The following AOX1 variants were observed in gnomAD, a reference collection of about 807,000 sequenced individuals.
AOX1 encodes aldehyde oxidase.
In AOX1, 153 loss-of-function variants were observed where a neutral mutation model predicts 169.5. The ratio of observed to expected loss-of-function variants is 0.90; its 90% CI spans 0.79 to 1.03. The LOEUF (loss-of-function observed/expected upper bound fraction) is 1.03. Among genes scored for constraint, AOX1 ranks in the 50% least tolerant of loss-of-function variants. The pLI, the probability that AOX1 is intolerant of heterozygous loss-of-function variation, is 0.00. For missense variants in AOX1, 1,656 were observed against 1,663.9 expected (o/e 1.00, Z 0.08); for synonymous variants, 562 against 581.9 (o/e 0.97, Z 0.49).
chr2:200,651,234 CT>C (rs1460595889), intron 26 of AOX1, 33 bp downstream of exon 26: 1 of 1,580,424 alleles, frequency 6.3e-7, no homozygotes. Context: ...AGGATGCTGC[CT>C]GGAAGCAGCC....
At chr2:200,597,945 A>G (rs1022720963) in intron 4 of AOX1, among the ~76,000 whole-genome samples, 5 of 152,106 alleles carry the variant, frequency 3.3e-5, no homozygotes, top group African/African-American at 1.2e-4. Flanking sequence ...ATGTCTCTAC[A>G]AAAGTACAAA....
rs1302784093 is a variant in AOX1 at position 200,651,212 on chromosome 2, C to T, written c.3075+11C>T. 1 of 1,611,340 alleles carries T rather than the reference C, an allele frequency of 6.2e-7. No homozygotes were observed. Among genetic ancestry groups the T allele is most frequent in the East Asian group, 2.2e-5 (1 of 44,864 alleles). On this transcript the variant is annotated intron_variant, in intron 26 of 34. Coordinates refer to ENST00000374700, the MANE Select transcript of AOX1 (RefSeq NM_001159.4). ...CGTGCTGCTGGTCAGGTGAGTTCTC[C>T]AAATGCACATGAGGATGCTGCCTGG...
chr2:200,658,871 T>C (rs2035748962), intron 27 of AOX1, among the ~76,000 whole-genome samples: 1 of 152,200 alleles, frequency 6.6e-6, no homozygotes. Context: ...ATATCATGAT[T>C]ATAAAAACAA....
intron 23 of AOX1, among the ~76,000 whole-genome samples, chr2:200,639,145 G>A (rs1000247616): frequency 6.6e-6 from 1 of 152,222 alleles, no homozygotes; most frequent in African/African-American, 2.4e-5. Context: ...TGTGGTTAGT[G>A]TCTGCCATAT....
At chr2:200,653,384 T>C (rs2035619305) in intron 26 of AOX1, among the ~76,000 whole-genome samples, 1 of 152,196 alleles carries the variant, frequency 6.6e-6, no homozygotes, top group Admixed American at 6.5e-5. Context: ...AAACTAGACA[T>C]GATATTTGAG....
chr2:200,599,746 G>A lies in AOX1; in HGVS notation c.436G>A (p.Gly146Ser), dbSNP rs144603555. 58 of 1,587,048 alleles carry A rather than the reference G, an allele frequency of 3.7e-5. No individual in the cohort carries two copies. Among genetic ancestry groups the A allele is most frequent in the Non-Finnish European group, 4.7e-5 (55 of 1,167,576 alleles). ...TLDQLTDALGGNLCRCTGYRP... is the reference protein window; with the variant it reads ...TLDQLTDALGSNLCRCTGYRP... ...GGATCAGTTAACTGATGCCCTTGGTGGTAGGTTATATATGCATGCTTTTAT... is the reference window on the plus strand; with the variant it reads ...GGATCAGTTAACTGATGCCCTTGGTAGTAGGTTATATATGCATGCTTTTAT... Residue 146 changes from glycine to serine, a missense_variant and splice_region_variant, in exon 5 of 35, where the codon GGT (glycine) becomes AGT (serine). Coordinates refer to ENST00000374700, the MANE Select transcript of AOX1 (RefSeq NM_001159.4).
At chr2:200,612,490 G>A in intron 13 of AOX1, 119 bp from the exon 14 acceptor site, 1 of 931,918 alleles carries the variant, frequency 1.1e-6, no homozygotes, top group South Asian at 1.5e-5. Flanking sequence ...CTGGTGTGTA[G>A]GTGACACTCA....
intron 27 of AOX1, 105 bp downstream of exon 27, chr2:200,657,042 A>G (rs1028507113): frequency 1.3e-6 from 1 of 750,826 alleles, no homozygotes; most frequent in Non-Finnish European, 1.9e-6. Flanking sequence ...CAGGATAGGA[A>G]GCTGGGTGAG....
chr2:200,612,745 G>T lies in AOX1; in HGVS notation c.1400G>T (p.Gly467Val). The T allele has an allele frequency of 6.2e-7, 1 of 1,614,000 alleles. No homozygotes were observed. The highest frequency in any genetic ancestry group is 2.2e-5 in the East Asian group (1 of 44,858). Residue 467 changes from glycine (G) to valine (V), a missense_variant, in exon 14 of 35, where the codon GGT becomes GTT. Transcript: ENST00000374700. ...TTATGCATCTCATATGGAGGCGTTG[G>T]TCCAGCCACCATCTGTGCCAAGAAT... ...RELCISYGGV[G>V]PATICAKNSC...
chr2:200,654,747 A>T (rs1047903844), intron 26 of AOX1, among the ~76,000 whole-genome samples: 1 of 152,226 alleles, frequency 6.6e-6, no homozygotes, highest in African/African-American at 2.4e-5. Flanking sequence ...AATTTCCCCG[A>T]CTAGGTCCTC....
Position 200,586,166 on chromosome 2 carries a change from G to A in AOX1, c.45+13G>A. The A allele has an allele frequency of 6.4e-7, 1 of 1,554,332 alleles. No individual in the cohort carries two copies. ...GAACGGCCGCAAGGTGAGCGCCCGC[G>A]GGCTTCCTCTGCCCCCAGACCTGCG... On this transcript the variant is annotated intron_variant, in intron 1 of 34. Coordinates refer to ENST00000374700, the MANE Select transcript of AOX1 (RefSeq NM_001159.4).
At chr2:200,588,726 C>CTTTTTTTTTTT (rs71807461) in intron 1 of AOX1, among the ~76,000 whole-genome samples, 19 of 53,986 alleles carry the variant, frequency 3.5e-4, no homozygotes, top group Middle Eastern at 0.011. Context: ...CTAGAATAAG[C>CTTTTTTTTTTT]TTTTTTTTTT....
At chr2:200,639,455 T>C (rs898060113) in intron 23 of AOX1, among the ~76,000 whole-genome samples, 2 of 152,222 alleles carry the variant, frequency 1.3e-5, no homozygotes, top group African/African-American at 4.8e-5. Flanking sequence ...TAGGATTTGT[T>C]AAATGCATAG....
chr2:200,660,738 A>G (rs950647031), intron 29 of AOX1, among the ~76,000 whole-genome samples: 1 of 152,212 alleles, frequency 6.6e-6, no homozygotes, highest in African/African-American at 2.4e-5. Flanking sequence ...TTACAAATAC[A>G]GGTCTGGGGG....
rs751426723 is a variant in AOX1, at chr2:200,670,723, A to G, written c.*44A>G. 9.4e-6 allele frequency: 14 copies of G among 1,494,434 alleles called. No individual in the cohort carries two copies. Among genetic ancestry groups the G allele is most frequent in the Non-Finnish European group, 1.2e-5 (13 of 1,073,528 alleles). 92.6% of individuals were successfully genotyped at this position (1,494,434 alleles called of 1,614,324 possible). On this transcript the variant is annotated 3_prime_UTR_variant, in exon 35 of 35. Coordinates refer to ENST00000374700, the MANE Select transcript of AOX1 (RefSeq NM_001159.4). The stretch of plus-strand genomic sequence containing the variant: ...GAGAAAACAGAGTGCCTCTTCCCAG[A>G]TGGCAATCTGTCCTATCTCTGTGCT...
rs1347598758 is a variant in AOX1, at chr2:200,604,066, C to A, written c.638C>A (p.Thr213Asn). ...AEEEFLPLDPTQELIFPPELM... is the reference protein window; with the variant it reads ...AEEEFLPLDPNQELIFPPELM... The stretch of plus-strand genomic sequence containing the variant: ...GAGGAGTTTCTGCCATTGGATCCAA[C>A]CCAGGAACTGATATTTCCTCCTGAG... The change falls in exon 8 of 35, where the codon ACC becomes AAC. Residue 213 changes from threonine (T) to asparagine (N), a missense_variant. Physicochemically the swap from Thr to Asn is moderately conservative, Grantham distance 65. Transcript: ENST00000374700. The A allele has an allele frequency of 6.2e-7, 1 of 1,613,198 alleles. No homozygotes were observed. Among genetic ancestry groups the A allele is most frequent in the Admixed American group, 1.7e-5 (1 of 60,004 alleles).
intron 1 of AOX1, among the ~76,000 whole-genome samples, chr2:200,587,573 G>A (rs2034065076): frequency 6.6e-6 from 1 of 152,116 alleles, no homozygotes; most frequent in Non-Finnish European, 1.5e-5. Context: ...TGTACATTAG[G>A]CCCCTCAAAA....
At chr2:200,655,563 A>G (rs1228564101) in intron 26 of AOX1, among the ~76,000 whole-genome samples, 1 of 152,170 alleles carries the variant, frequency 6.6e-6, no homozygotes, top group Non-Finnish European at 1.5e-5. Flanking sequence ...GACTGTGGAC[A>G]TATGTGCCTG....
chr2:200,673,591 G>C (rs1344635465), downstream of AOX1, among the ~76,000 whole-genome samples: 3 of 152,068 alleles, frequency 2.0e-5, no homozygotes, highest in Admixed American at 2.0e-4. Flanking sequence ...CATTCATTTT[G>C]CTTTCCTTCC....
Sources: allele counts gnomAD v4.1 joint callset (sites outside exome capture counted in the v4.1 genomes callset), GRCh38; gene constraint gnomAD v4.1.1; transcripts MANE v1.5; gene names NCBI Gene and HGNC (gene_info 2026-07-23, HGNC 2026-07-21).